Variants in CD38 observed in about 807,000 individuals in gnomAD.
CD38 encodes ADP-ribosyl cyclase/cyclic ADP-ribose hydrolase 1.
In CD38, 31 loss-of-function variants were observed where a neutral mutation model predicts 36.3. The observed-to-expected ratio is 0.85, with a 90% CI of 0.64 to 1.15. CD38 has a LOEUF of 1.15. CD38 is among the 50% of genes most tolerant of loss of function. The probability of loss-of-function intolerance (pLI) is 0.00; values close to 1 mark genes in which losing one functional copy is unlikely to be tolerated. For missense variants in CD38, 380 were observed against 371.9 expected, an observed-to-expected ratio of 1.02 and a Z score of -0.18; for synonymous variants, 131 against 135.2, an observed-to-expected ratio of 0.97 and a Z score of 0.22.
chr4:15,824,971 T>C lies in CD38; in HGVS notation c.454T>C (p.Tyr152His). The change falls in exon 3 of 8, where the codon TAC becomes CAC. Residue 152 changes from tyrosine (Y) to histidine (H), a missense_variant. Tyr to His is a moderately conservative substitution (Grantham distance 83). Transcript: ENST00000226279. ...MFTLEDTLLG[Y>H]LADDLTWCGE... ...CACCCTGGAGGACACGCTGCTAGGC[T>C]ACCTTGCTGATGACCTCACATGGTG... 1.9e-6 allele frequency: 3 copies of C among 1,613,932 alleles called. No homozygotes were observed. The highest frequency in any genetic ancestry group is 2.5e-6 in the Non-Finnish European group (3 of 1,179,942).
At chr4:15,834,560 C>G (rs1295727487) in intron 4 of CD38, among the ~76,000 whole-genome samples, 2 of 152,174 alleles carry the variant, frequency 1.3e-5, no homozygotes, top group African/African-American at 4.8e-5. Flanking sequence ...TACCAGGAAC[C>G]TGGGGCTTGG....
chr4:15,828,630 T>C (rs779426122), intron 3 of CD38, among the ~76,000 whole-genome samples: 60 of 152,232 alleles, frequency 3.9e-4, no homozygotes, highest in Non-Finnish European at 7.8e-4. Context: ...TTGTTCCATC[T>C]ATATTGTCAC....
chr4:15,841,837 T>C (rs1365035522), intron 7 of CD38, among the ~76,000 whole-genome samples: 5 of 130,254 alleles, frequency 3.8e-5, no homozygotes, highest in African/African-American at 1.0e-4. Flanking sequence ...CACCCGAATA[T>C]TGCGCTTTTC....
chr4:15,796,027 T>C (rs575087330), intron 1 of CD38, among the ~76,000 whole-genome samples: 1 of 152,262 alleles, frequency 6.6e-6, no homozygotes, highest in South Asian at 2.1e-4. Flanking sequence ...AACTGCTTCA[T>C]TGATTATCTT....
At chr4:15,806,244 A>G (rs1366309522) in intron 1 of CD38, among the ~76,000 whole-genome samples, 3 of 152,168 alleles carry the variant, frequency 2.0e-5, no homozygotes, top group African/African-American at 7.2e-5. Context: ...ACTGTGCCCT[A>G]TTCTGGTCCT....
intron 3 of CD38, among the ~76,000 whole-genome samples, chr4:15,831,480 C>T (rs1723957330): frequency 6.6e-6 from 1 of 152,198 alleles, no homozygotes; most frequent in South Asian, 2.1e-4. Flanking sequence ...TAATTAAATC[C>T]CTCACCTTTT....
At chr4:15,787,746 C>T (rs1722873265) in intron 1 of CD38, among the ~76,000 whole-genome samples, 3 of 152,180 alleles carry the variant, frequency 2.0e-5, no homozygotes, top group Middle Eastern at 3.2e-3. Context: ...GACACAGGTA[C>T]GCAGTGAAAG....
intron 1 of CD38, among the ~76,000 whole-genome samples, chr4:15,800,809 A>G (rs571899968): frequency 1.2e-3 from 183 of 152,232 alleles, no homozygotes; most frequent in Non-Finnish European, 2.1e-3. Flanking sequence ...ACTAGGAGGA[A>G]AGTTCATAGT....
At chr4:15,836,483 G>A (rs1015745096) in intron 4 of CD38, among the ~76,000 whole-genome samples, 6 of 152,206 alleles carry the variant, frequency 3.9e-5, no homozygotes, top group African/African-American at 1.2e-4. Context: ...CAGCATATCT[G>A]TGACAAGCCT....
chr4:15,816,113 C>G (rs916297521), intron 1 of CD38, among the ~76,000 whole-genome samples: 11 of 152,106 alleles, frequency 7.2e-5, no homozygotes, highest in Non-Finnish European at 5.9e-5. Flanking sequence ...AGAGATGAAG[C>G]CAACTTGATC....
intron 4 of CD38, among the ~76,000 whole-genome samples, chr4:15,836,626 G>C (rs528425369): frequency 1.1e-4 from 16 of 152,202 alleles, no homozygotes; most frequent in Non-Finnish European, 1.9e-4. Context: ...ATAAGTTACA[G>C]ACCTAAGAGC....
intron 1 of CD38, among the ~76,000 whole-genome samples, chr4:15,796,210 C>T (rs771464451): frequency 6.6e-6 from 1 of 152,086 alleles, no homozygotes; most frequent in Non-Finnish European, 1.5e-5. Flanking sequence ...GTTAGTTGTT[C>T]ACGTTTTGGG....
intron 1 of CD38, among the ~76,000 whole-genome samples, chr4:15,790,124 T>C (rs1332939448): frequency 1.6e-5 from 2 of 123,692 alleles, no homozygotes; most frequent in Admixed American, 8.3e-5. Context: ...TCCCTCTCCC[T>C]CTCCCTCTCC....
intron 7 of CD38, 56 bp downstream of exon 7, chr4:15,840,594 CT>C (rs1484339295): frequency 1.3e-5 from 13 of 1,039,004 alleles, no homozygotes; most frequent in Admixed American, 3.9e-5. Context: ...GTAGAATTTC[CT>C]TTTTTCCTTA....
At chr4:15,840,249 C>T in intron 6 of CD38, 131 bp downstream of exon 6, 1 of 755,412 alleles carries the variant, frequency 1.3e-6, no homozygotes. Context: ...TGAATCCCAA[C>T]AGCCTCTTAA....
intron 1 of CD38, among the ~76,000 whole-genome samples, chr4:15,803,645 T>C (rs1365580024): frequency 2.0e-5 from 3 of 152,186 alleles, no homozygotes; most frequent in Admixed American, 6.5e-5. Flanking sequence ...AGAATGCAGA[T>C]AAAAGGAAAC....
chr4:15,801,411 AGG>A, intron 1 of CD38, among the ~76,000 whole-genome samples: 1 of 152,284 alleles, frequency 6.6e-6, no homozygotes, highest in East Asian at 1.9e-4. Flanking sequence ...AAAAAATTGA[AGG>A]GAAGAGAATT....
At chr4:15,838,211 T>C in intron 5 of CD38, 46 bp downstream of exon 5, 1 of 1,293,948 alleles carries the variant, frequency 7.7e-7, no homozygotes, top group African/African-American at 1.5e-5. Context: ...CTGTTGCAAA[T>C]ATCACAGTGA....
At chr4:15,841,693 G>C (rs1206773392) in intron 7 of CD38, among the ~76,000 whole-genome samples, 2 of 149,772 alleles carry the variant, frequency 1.3e-5, no homozygotes, top group Non-Finnish European at 3.0e-5. Flanking sequence ...GCGCAGGCCA[G>C]TGTGTGTGCA....
Sources: allele counts gnomAD v4.1 joint callset (sites outside exome capture counted in the v4.1 genomes callset), GRCh38; gene constraint gnomAD v4.1.1; transcripts MANE v1.5; gene names NCBI Gene and HGNC (gene_info 2026-07-23, HGNC 2026-07-21).